RNF130: variants seen among roughly 807,000 people sequenced by gnomAD.
The protein encoded by RNF130 is E3 ubiquitin-protein ligase RNF130.
Under a neutral mutation model 44.6 loss-of-function variants are expected in RNF130, and 21 were observed. That is an observed-to-expected ratio of 0.47 (90% CI 0.33 to 0.68). The LOEUF (loss-of-function observed/expected upper bound fraction) is 0.68. Among genes scored for constraint, RNF130 ranks in the 30% least tolerant of loss-of-function variants. RNF130 has a pLI of 0.02. For missense variants in RNF130, 479 were observed against 560.6 expected (o/e 0.85, Z 1.47); for synonymous variants, 214 against 210.4 (o/e 1.02, Z -0.15).
intron 1 of RNF130, among the ~76,000 whole-genome samples, chr5:180,053,433 A>G (rs149160014): frequency 7.0e-4 from 107 of 152,310 alleles, no homozygotes; most frequent in African/African-American, 2.5e-3. Flanking sequence ...AAAATGACAC[A>G]TTTTATGAAG....
At chr5:180,015,582 AG>A (rs1460542788) in intron 2 of RNF130, among the ~76,000 whole-genome samples, 2 of 80,410 alleles carry the variant, frequency 2.5e-5, no homozygotes, top group African/African-American at 5.7e-5. Flanking sequence ...GGAAAGGAGT[AG>A]GGAAAGGAGT....
chr5:180,042,629 C>T (rs1290803732), intron 1 of RNF130, among the ~76,000 whole-genome samples: 2 of 152,198 alleles, frequency 1.3e-5, no homozygotes, highest in Admixed American at 1.3e-4. Flanking sequence ...AGAAAAATGT[C>T]TAATACTGTA....
At chr5:180,068,602 A>G (rs1002782409) in intron 1 of RNF130, among the ~76,000 whole-genome samples, 21 of 152,358 alleles carry the variant, frequency 1.4e-4, no homozygotes, top group African/African-American at 4.8e-4. Flanking sequence ...TGCTCTTTAA[A>G]GGGATAGGAC....
At chr5:180,041,538 G>C (rs952769518) in intron 1 of RNF130, among the ~76,000 whole-genome samples, 19 of 150,786 alleles carry the variant, frequency 1.3e-4, no homozygotes, top group African/African-American at 4.5e-4. Context: ...TTAAGAAGAA[G>C]CCCCCGGCTG....
At chr5:179,927,586 CTTTT>C (rs5873673) in intron 7 of RNF130, among the ~76,000 whole-genome samples, 16 of 112,170 alleles carry the variant, frequency 1.4e-4, no homozygotes, top group South Asian at 3.4e-4. Flanking sequence ...TTAGCTTTGT[CTTTT>C]TTTTTTTTTT....
At chr5:180,014,241 T>C (rs1763664281) in intron 2 of RNF130, among the ~76,000 whole-genome samples, 1 of 152,180 alleles carries the variant, frequency 6.6e-6, no homozygotes, top group Admixed American at 6.5e-5. Context: ...GAATACCTCT[T>C]CCTATGGACA....
At chr5:179,912,128 C>T (rs1482393051) in exon 8 of RNF130, 1 of 152,182 alleles carries the variant, frequency 6.6e-6, no homozygotes, top group Non-Finnish European at 1.5e-5. Flanking sequence ...GTTTTGTACG[C>T]CATCTTCTGA....
At chr5:180,019,180 C>G (rs1413110682) in intron 2 of RNF130, among the ~76,000 whole-genome samples, 2 of 81,454 alleles carry the variant, frequency 2.5e-5, no homozygotes, top group African/African-American at 1.2e-4. Flanking sequence ...GCCAGAAGAT[C>G]AAAACCATCC....
intron 2 of RNF130, among the ~76,000 whole-genome samples, chr5:180,013,939 A>G (rs1404457662): frequency 6.6e-6 from 1 of 152,224 alleles, no homozygotes; most frequent in Non-Finnish European, 1.5e-5. Context: ...ACCTTTTATT[A>G]GTGACATCTG....
At chr5:180,051,665 T>C (rs942034153) in intron 1 of RNF130, among the ~76,000 whole-genome samples, 7 of 152,296 alleles carry the variant, frequency 4.6e-5, no homozygotes, top group Admixed American at 2.6e-4. Flanking sequence ...TCAGCAGCCG[T>C]CCATCATTGT....
intron 7 of RNF130, among the ~76,000 whole-genome samples, chr5:179,932,657 G>A (rs1283961819): frequency 6.6e-6 from 1 of 151,306 alleles, no homozygotes; most frequent in Non-Finnish European, 1.5e-5. Flanking sequence ...GGCCAACATG[G>A]TGAAACCCTG....
At chr5:179,938,985 T>C (rs1174749378) in intron 7 of RNF130, among the ~76,000 whole-genome samples, 1 of 152,086 alleles carries the variant, frequency 6.6e-6, no homozygotes, top group Non-Finnish European at 1.5e-5. Context: ...GCCCAAAACT[T>C]TGCGAGGCTG....
At chr5:179,968,937 C>T (rs1762519742) in intron 6 of RNF130, among the ~76,000 whole-genome samples, 1 of 152,190 alleles carries the variant, frequency 6.6e-6, no homozygotes, top group Non-Finnish European at 1.5e-5. Context: ...TTTGAGAAAT[C>T]CCATCACTAC....
intron 1 of RNF130, among the ~76,000 whole-genome samples, chr5:180,059,879 C>A (rs1039834327): frequency 6.6e-6 from 1 of 152,166 alleles, no homozygotes; most frequent in East Asian, 1.9e-4. Context: ...CAGGACCTGT[C>A]AGTGAATACA....
intron 5 of RNF130, among the ~76,000 whole-genome samples, chr5:179,972,508 G>A (rs1300635828): frequency 3.3e-5 from 5 of 152,246 alleles, no homozygotes; most frequent in African/African-American, 1.2e-4. Context: ...GCAGGAATGG[G>A]AGGCATCCCG....
At chr5:180,010,337 A>C (rs1007785065) in intron 3 of RNF130, among the ~76,000 whole-genome samples, 1 of 151,000 alleles carries the variant, frequency 6.6e-6, no homozygotes, top group Non-Finnish European at 1.5e-5. Context: ...GTTACATACT[A>C]TATGATTCCA....
chr5:179,918,496 G>A (rs764200508), exon 8 of RNF130: 1 of 152,156 alleles, frequency 6.6e-6, no homozygotes, highest in Non-Finnish European at 1.5e-5. Context: ...TACCTTTCAG[G>A]TGGGTCAAAC....
intron 1 of RNF130, among the ~76,000 whole-genome samples, chr5:180,059,372 A>T (rs1044359419): frequency 2.0e-5 from 3 of 152,156 alleles, no homozygotes; most frequent in African/African-American, 7.2e-5. Flanking sequence ...TCGTGTTATG[A>T]CCTGTGTAAC....
At chr5:180,062,183 T>C (rs1320928101) in intron 1 of RNF130, among the ~76,000 whole-genome samples, 1 of 151,814 alleles carries the variant, frequency 6.6e-6, no homozygotes, top group Non-Finnish European at 1.5e-5. Flanking sequence ...GCCTCCTGAG[T>C]AGCTGGGACT....
Sources: allele counts gnomAD v4.1 joint callset (sites outside exome capture counted in the v4.1 genomes callset), GRCh38; gene constraint gnomAD v4.1.1; transcripts MANE v1.5; gene names NCBI Gene and HGNC (gene_info 2026-07-23, HGNC 2026-07-21).